Variants in PTAFR observed in about 807,000 individuals in gnomAD.
PTAFR encodes the protein platelet activating factor receptor, also known as platelet-activating factor receptor.
Under a neutral mutation model 14.7 loss-of-function variants are expected in PTAFR, and 8 were observed. The observed-to-expected ratio is 0.54, with a 90% CI of 0.32 to 0.98. The LOEUF (loss-of-function observed/expected upper bound fraction) is 0.98, where lower values mean the gene tolerates loss of function less well. Ranked by LOEUF, PTAFR falls within the 50% of genes least tolerant of loss-of-function variation. The pLI is 0.04. For missense variants in PTAFR, 337 were observed against 451.2 expected, an observed-to-expected ratio of 0.75 and a Z score of 2.29; for synonymous variants, 156 against 176.5, an observed-to-expected ratio of 0.88 and a Z score of 0.92.
intron 1 of PTAFR, among the ~76,000 whole-genome samples, chr1:28,187,515 AT>A (rs891369938): frequency 3.3e-5 from 5 of 151,986 alleles, no homozygotes; most frequent in South Asian, 2.1e-4. Flanking sequence ...AGAAAAAAAA[AT>A]TTTTTTTTAA....
intron 1 of PTAFR, among the ~76,000 whole-genome samples, chr1:28,173,105 C>CAAAA (rs68034962): frequency 9.3e-4 from 46 of 49,508 alleles, no homozygotes; most frequent in African/African-American, 1.6e-3. Context: ...CCCGTTTCCA[C>CAAAA]AAAAAAAAAA....
chr1:28,161,546 T>C lies in PTAFR; in HGVS notation c.-38-10487A>G, dbSNP rs537417163. The stretch of plus-strand genomic sequence containing the variant: ...TTAATAAATAGAGACAAGGTCTCAC[T>C]ATGTTGCCCAGGTTGGTCTTGAACT... On this transcript the variant is annotated intron_variant, in intron 1 of 1. Transcript: ENST00000373857. 6.6e-5 allele frequency among the ~76,000 whole-genome samples: 10 copies of C among 152,282 alleles called. No homozygotes were observed. The South Asian group carries it at 1.9e-3, about 28-fold the overall frequency.
intron 1 of PTAFR, among the ~76,000 whole-genome samples, chr1:28,168,864 C>T (rs1216320762): frequency 6.6e-6 from 1 of 152,004 alleles, no homozygotes; most frequent in Non-Finnish European, 1.5e-5. Flanking sequence ...GACGGGGTTT[C>T]AACATGTTGA....
chr1:28,171,308 C>G (rs1382561283), intron 1 of PTAFR, among the ~76,000 whole-genome samples: 3 of 151,022 alleles, frequency 2.0e-5, no homozygotes, highest in African/African-American at 4.9e-5. Context: ...GGGTGACAGA[C>G]CGAGACTCCA....
At position 28,150,090 on chromosome 1, in the gene PTAFR, A is replaced by G; in HGVS notation, c.932T>C (p.Met311Thr). The G allele has an allele frequency of 6.2e-7, 1 of 1,614,184 alleles. No individual in the cohort carries two copies. Among genetic ancestry groups the G allele is most frequent in the Middle Eastern group, 1.6e-4 (1 of 6,062 alleles). The change falls in exon 2 of 2, where the codon ATG becomes ACG. Residue 311 changes from methionine to threonine, a missense_variant. Physicochemically the swap from Met to Thr is moderately conservative, Grantham distance 81. Coordinates refer to ENST00000373857, the MANE Select transcript of PTAFR (RefSeq NM_000952.5). The surrounding 1 kb of genome is among the most constrained non-coding windows in gnomAD (Gnocchi z 6.3). ...CCGGGAGCATTTCCGGCTACTGCGC[A>G]TGCTGTAGAACTTTTCGGTGAGGTG... ...RKHLTEKFYS[M>T]RSSRKCSRAT...
intron 1 of PTAFR, among the ~76,000 whole-genome samples, chr1:28,174,641 C>T (rs547693185): frequency 2.0e-5 from 3 of 152,332 alleles, no homozygotes; most frequent in South Asian, 2.1e-4. Flanking sequence ...TCTGGCTCAC[C>T]GTCCGTTCCC....
At chr1:28,160,760 C>G (rs1646315017) in intron 1 of PTAFR, among the ~76,000 whole-genome samples, 1 of 152,086 alleles carries the variant, frequency 6.6e-6, no homozygotes, top group Non-Finnish European at 1.5e-5. Flanking sequence ...AGATACAGGA[C>G]CAGAATCAGT....
intron 1 of PTAFR, among the ~76,000 whole-genome samples, chr1:28,187,881 C>T (rs1004602352): frequency 6.6e-6 from 1 of 152,186 alleles, no homozygotes; most frequent in Non-Finnish European, 1.5e-5. Flanking sequence ...TTAAAAGACA[C>T]TGTAAAACTG....
upstream of PTAFR, among the ~76,000 whole-genome samples, chr1:28,178,013 G>A (rs1324769893): frequency 2.0e-5 from 3 of 152,082 alleles, no homozygotes; most frequent in African/African-American, 7.2e-5. Context: ...GCACTGGGGT[G>A]GACCCTGTCT....
upstream of PTAFR, among the ~76,000 whole-genome samples, chr1:28,177,569 T>G (rs1020150486): frequency 3.3e-5 from 5 of 152,208 alleles, no homozygotes; most frequent in African/African-American, 1.2e-4. Context: ...TTTGTTTTTT[T>G]GTTCATGCGG....
intron 1 of PTAFR, among the ~76,000 whole-genome samples, chr1:28,192,990 C>T (rs564887422): frequency 3.3e-5 from 5 of 152,230 alleles, no homozygotes; most frequent in Admixed American, 1.3e-4. Context: ...CTCTTTAGTG[C>T]GGCTGGGACC....
exon 1 of PTAFR, chr1:28,193,805 CG>C (rs1439626035): frequency 6.5e-6 from 1 of 153,022 alleles, no homozygotes; most frequent in African/African-American, 2.4e-5. Flanking sequence ...GTTTCCTGGA[CG>C]GCTTCTCGGG....
chr1:28,164,713 T>G (rs1236305345), intron 1 of PTAFR, among the ~76,000 whole-genome samples: 1 of 152,218 alleles, frequency 6.6e-6, no homozygotes, highest in East Asian at 1.9e-4. Context: ...CTGACTCTCC[T>G]AGAACAAGCT....
chr1:28,172,182 A>C (rs1646460731), intron 1 of PTAFR, among the ~76,000 whole-genome samples: 1 of 152,102 alleles, frequency 6.6e-6, no homozygotes. Context: ...TGCCTGGCTA[A>C]TTTTTATATT....
Position 28,150,413 on chromosome 1 carries a change from G to T in PTAFR, c.609C>A (p.Leu203=), listed in dbSNP as rs373615624. ...TACGGATGATGACCAGGTTGCAGAA[G>T]AGGATGATGAGGAAGACCAGGAAGA... The part of the protein sequence containing the change: ...FSFFLVFLII[L]FCNLVIIRTL... Residue 203 remains leucine (L), a synonymous_variant, in exon 2 of 2, where the codon CTC becomes CTA. Transcript: ENST00000373857. The surrounding 1 kb of genome is among the most constrained non-coding windows in gnomAD (Gnocchi z 6.3). 2.5e-6 allele frequency: 4 copies of T among 1,614,004 alleles called. No individual in the cohort carries two copies. The highest frequency in any genetic ancestry group is 3.4e-6 in the Non-Finnish European group (4 of 1,179,918).
At chr1:28,153,872 A>G (rs1462112202) in intron 1 of PTAFR, among the ~76,000 whole-genome samples, 2 of 151,234 alleles carry the variant, frequency 1.3e-5, no homozygotes, top group Admixed American at 6.6e-5. Flanking sequence ...TGGGAGACAG[A>G]TTGAGACTCT....
chr1:28,182,487 A>G (rs939370600), intron 1 of PTAFR, among the ~76,000 whole-genome samples: 2 of 152,026 alleles, frequency 1.3e-5, no homozygotes, highest in Non-Finnish European at 2.9e-5. Context: ...CAGCCTGGAC[A>G]ACATAGCCAG....
At chr1:28,168,657 ATGAAAACATTCTTTT>A (rs560102166) in intron 1 of PTAFR, among the ~76,000 whole-genome samples, 2 of 152,068 alleles carry the variant, frequency 1.3e-5, no homozygotes, top group South Asian at 4.1e-4. Flanking sequence ...GTCATGCAAG[ATGAAAACATTCTTTT>A]TTGTTTGTTT....
rs756562027 is a variant in PTAFR at position 28,147,373 on chromosome 1, C to T, written c.*2620G>A. 9.2e-5 allele frequency: 14 copies of T among 152,260 alleles called. 1 individual carries two copies. Among genetic ancestry groups the T allele is most frequent in the African/African-American group, 3.1e-4 (13 of 41,556 alleles). The allele number at this position is 152,260 out of a possible 1,614,324, so 9.4% of individuals were successfully genotyped here. A position where few individuals can be genotyped will look rare whatever the true frequency, so the allele number is the denominator to read the frequency against. ...AGCAAAATGAGAGAATGTATCCTGA[C>T]AAGGGACGCTCACAGGGCCTAAAGG... On this transcript the variant is annotated 3_prime_UTR_variant, in exon 2 of 2. Transcript: ENST00000373857.
Sources: gnomAD v4.1 joint callset for allele counts (sites outside exome capture counted in the v4.1 genomes callset) on GRCh38, gnomAD v4.1.1 for gene constraint, Gnocchi (gnomAD v3.1) non-coding constraint, MANE v1.5 for transcripts, NCBI Gene and HGNC (gene_info 2026-07-23, HGNC 2026-07-21) for gene names.